The following ZNF837 variants were observed in gnomAD, a reference collection of about 807,000 sequenced individuals.
ZNF837 encodes the protein zinc finger protein 837.
For missense variants in ZNF837, 955 were observed against 801.7 expected, an observed-to-expected ratio of 1.19 and a Z score of -2.31; for synonymous variants, 475 against 365.2, an observed-to-expected ratio of 1.30 and a Z score of -3.43.
intron 1 of ZNF837, among the ~76,000 whole-genome samples, chr19:58,372,871 G>C (rs2052213695): frequency 6.6e-6 from 1 of 152,202 alleles, no homozygotes; most frequent in Non-Finnish European, 1.5e-5. Flanking sequence ...CTTTGAAGCA[G>C]CCAGGCCCGG....
intron 1 of ZNF837, among the ~76,000 whole-genome samples, chr19:58,375,286 A>ATG (rs1282113806): frequency 2.9e-4 from 18 of 61,540 alleles, no homozygotes; most frequent in African/African-American, 8.5e-4. Flanking sequence ...ATATATATAT[A>ATG]TATATATATA....
At chr19:58,379,140 T>G (rs2052271337) in intron 1 of ZNF837, among the ~76,000 whole-genome samples, 1 of 151,912 alleles carries the variant, frequency 6.6e-6, no homozygotes, top group South Asian at 2.1e-4. Flanking sequence ...TGATGGGGAG[T>G]CAGAGGACTG....
intron 1 of ZNF837, among the ~76,000 whole-genome samples, chr19:58,372,889 T>C (rs2052213891): frequency 6.6e-6 from 1 of 152,180 alleles, no homozygotes; most frequent in Non-Finnish European, 1.5e-5. Context: ...CGGTTCCTGC[T>C]CTGCTGTATG....
At chr19:58,379,384 A>T (rs1164878866) in intron 1 of ZNF837, among the ~76,000 whole-genome samples, 3 of 152,178 alleles carry the variant, frequency 2.0e-5, no homozygotes, top group African/African-American at 7.2e-5. Context: ...GGAGCTGTGG[A>T]CCATGGCCGA....
In ZNF837 at chr19:58,375,270, GTATATATATATATATA is replaced by G. The variant is rs58582835; in HGVS notation, c.-139-5358_-139-5343del. The stretch of plus-strand genomic sequence containing the variant: ...GAATCTGTCTCAAAAAAAAAAAAAA[GTATATATATATATATA>G]TATATATATATATATATATATATAT... On this transcript the variant is annotated intron_variant, in intron 1 of 2. Coordinates refer to ENST00000597582, the MANE Select transcript of ZNF837 (RefSeq NM_138466.2). Among the ~76,000 whole-genome samples the G allele has an allele frequency of 4.7e-3, 165 of 34,872 alleles. 2 individuals carry two copies. Among genetic ancestry groups the G allele is most frequent in the Middle Eastern group, 0.059 (2 of 34 alleles). 22.9% of individuals were successfully genotyped at this position (34,872 alleles called of 152,430 possible).
rs1034125138 is a variant in ZNF837 at position 58,367,725 on chromosome 19, G to A, written c.*12C>T. 2 of 1,495,362 alleles carry A rather than the reference G, an allele frequency of 1.3e-6. No homozygotes were observed. The highest frequency in any genetic ancestry group is 2.5e-5 in the East Asian group (1 of 40,138). The allele number at this position is 1,495,362 out of a possible 1,614,324, so 92.6% of individuals were successfully genotyped here. On this transcript the variant is annotated 3_prime_UTR_variant, in exon 3 of 3. Coordinates refer to ENST00000597582, the MANE Select transcript of ZNF837 (RefSeq NM_138466.2). ...TCGCTTGGGCGACGCGTCGACTCTC[G>A]GCTCCCTGCAGTCAAGGCGCGGCGC...
At chr19:58,379,204 G>T (rs1031374305) in intron 1 of ZNF837, among the ~76,000 whole-genome samples, 2 of 152,242 alleles carry the variant, frequency 1.3e-5, no homozygotes, top group African/African-American at 4.8e-5. Flanking sequence ...AGAACCAGCA[G>T]TCCCCACTTG....
chr19:58,369,493 T>A, intron 2 of ZNF837, 132 bp from the exon 3 acceptor site: 1 of 670,880 alleles, frequency 1.5e-6, no homozygotes, highest in Non-Finnish European at 2.1e-6. Flanking sequence ...TGCGAAAGGG[T>A]AAATGGAGTG....
chr19:58,373,914 A>G (rs1246198055), intron 1 of ZNF837, among the ~76,000 whole-genome samples: 1 of 152,248 alleles, frequency 6.6e-6, no homozygotes, highest in Non-Finnish European at 1.5e-5. Context: ...GATTTCAAAA[A>G]GCACCACTCA....
chr19:58,369,432 G>T, intron 2 of ZNF837, 71 bp from the exon 3 acceptor site: 1 of 1,260,492 alleles, frequency 7.9e-7, no homozygotes, highest in Non-Finnish European at 1.0e-6. Context: ...GGGCCAACGA[G>T]CGACCACCCC....
In ZNF837 at chr19:58,367,755, C is replaced by T; in HGVS notation, c.1578G>A (p.Gly526=). The stretch of plus-strand genomic sequence containing the variant: ...CCTGCAGTCAAGGCGCGGCGCGGCC[C>T]CCGTGCCGCTTCCGGTGCTCGTTGA... ...SNLNEHRKRH[G]GRAAP The change falls in exon 3 of 3, where the codon GGG becomes GGA. Residue 526 remains glycine (G), a synonymous_variant. Coordinates refer to ENST00000597582, the MANE Select transcript of ZNF837 (RefSeq NM_138466.2). The T allele has an allele frequency of 6.5e-7, 1 of 1,532,486 alleles. No individual in the cohort carries two copies. Among genetic ancestry groups the T allele is most frequent in the African/African-American group, 1.4e-5 (1 of 72,852 alleles). The allele number at this position is 1,532,486 out of a possible 1,614,324, so 94.9% of individuals were successfully genotyped here.
intron 1 of ZNF837, among the ~76,000 whole-genome samples, chr19:58,372,450 G>A (rs12459664): frequency 0.1 from 15,454 of 152,038 alleles, 1,003 homozygotes; most frequent in East Asian, 0.34. Flanking sequence ...GGCGGATCAC[G>A]AGGTCAAGAG....
chr19:58,380,344 C>T (rs541490295), intron 1 of ZNF837, among the ~76,000 whole-genome samples: 1 of 152,356 alleles, frequency 6.6e-6, no homozygotes, highest in South Asian at 2.1e-4. Context: ...TCCACTGTGT[C>T]AGGGCCAAAC....
intron 1 of ZNF837, among the ~76,000 whole-genome samples, chr19:58,372,672 T>C (rs879754032): frequency 2.6e-5 from 4 of 152,218 alleles, no homozygotes; most frequent in Admixed American, 2.6e-4. Flanking sequence ...TGGCTGCAGT[T>C]CTCCAAAGGA....
Position 58,367,712 on chromosome 19 carries a change from C to G in ZNF837, c.*25G>C. On this transcript the variant is annotated 3_prime_UTR_variant, in exon 3 of 3. Transcript: ENST00000597582. ...CTCGACGCAGGGTTCGCTTGGGCGA[C>G]GCGTCGACTCTCGGCTCCCTGCAGT... is the stretch of plus-strand genomic sequence containing the variant. 6.8e-7 allele frequency: 1 copy of G among 1,478,282 alleles called. No homozygotes were observed. Among genetic ancestry groups the G allele is most frequent in the Non-Finnish European group, 8.9e-7 (1 of 1,121,058 alleles). The allele number at this position is 1,478,282 out of a possible 1,614,324, so 91.6% of individuals were successfully genotyped here. A position where few individuals can be genotyped will look rare whatever the true frequency, so the allele number is the denominator to read the frequency against.
At chr19:58,370,068 G>A (rs1050769514) in intron 1 of ZNF837, 140 bp from the exon 2 acceptor site, 1 of 152,194 alleles carries the variant, frequency 6.6e-6, no homozygotes, top group African/African-American at 2.4e-5. Flanking sequence ...GGCTGTATTA[G>A]TTATCTATTG....
intron 1 of ZNF837, among the ~76,000 whole-genome samples, chr19:58,380,527 G>C (rs1194177644): frequency 6.6e-6 from 1 of 152,250 alleles, no homozygotes; most frequent in Non-Finnish European, 1.5e-5. Context: ...GAGGGGGCAT[G>C]AAACCGGTCT....
At chr19:58,370,350 G>A (rs2052188552) in intron 1 of ZNF837, among the ~76,000 whole-genome samples, 1 of 152,082 alleles carries the variant, frequency 6.6e-6, no homozygotes, top group African/African-American at 2.4e-5. Context: ...ATAGGATTCT[G>A]ACCCTTCTGC....
Position 58,368,611 on chromosome 19 carries a change from T to C in ZNF837, c.722A>G (p.Gln241Arg). The change falls in exon 3 of 3, where the codon CAG becomes CGG. Residue 241 changes from glutamine to arginine, a missense_variant. Coordinates refer to ENST00000597582, the MANE Select transcript of ZNF837 (RefSeq NM_138466.2). ...GKRFRPNQQQ[Q>R]AGKSPPVCPE... ...ACACACTGGGGGACTCTTGCCCGCC[T>C]GCTGCTGCTGGTTGGGGCGGAAGCG... 1 of 1,527,876 alleles carries C rather than the reference T, an allele frequency of 6.5e-7. No individual in the cohort carries two copies. 94.6% of individuals were successfully genotyped at this position (1,527,876 alleles called of 1,614,324 possible).
Sources: allele counts gnomAD v4.1 joint callset (sites outside exome capture counted in the v4.1 genomes callset), GRCh38; gene constraint gnomAD v4.1.1; transcripts MANE v1.5; gene names NCBI Gene and HGNC (gene_info 2026-07-23, HGNC 2026-07-21).